ZNF529: variants seen among roughly 807,000 people sequenced by gnomAD.
The protein encoded by ZNF529 is zinc finger protein 529.
In ZNF529, 11 loss-of-function variants were observed where a neutral mutation model predicts 10.1. That is an observed-to-expected ratio of 1.09 (90% CI 0.69 to 1.81). The LOEUF (loss-of-function observed/expected upper bound fraction) is 1.81, where lower values mean the gene tolerates loss of function less well. Among genes scored for constraint, ZNF529 ranks in the 40% most tolerant of loss-of-function variants. The pLI is 0.00. For missense variants in ZNF529, 624 were observed against 666.8 expected (o/e 0.94, Z 0.71); for synonymous variants, 204 against 215.7 (o/e 0.95, Z 0.47).
In ZNF529 at chr19:36,563,422, CAAAA is replaced by C. The variant is rs34934234; in HGVS notation, c.15-7229_15-7226del. ...TGGGCAACAGAATGAGATTGTGTCT[CAAAA>C]AAAAAAAAAAGTTGTCTATGGGTGA... On this transcript the variant is annotated intron_variant, in intron 2 of 4. Transcript: ENST00000591340. Among the ~76,000 whole-genome samples the C allele has an allele frequency of 1.0e-4, 13 of 129,828 alleles. No homozygotes were observed. In the East Asian group the frequency reaches 2.9e-3, roughly 29 times the overall value. 85.2% of individuals were successfully genotyped at this position (129,828 alleles called of 152,430 possible). A position where few individuals can be genotyped will look rare whatever the true frequency, so the allele number is the denominator to read the frequency against.
chr19:36,599,195 C>T (rs2036886400), intron 1 of ZNF529, among the ~76,000 whole-genome samples: 1 of 152,190 alleles, frequency 6.6e-6, no homozygotes, highest in Non-Finnish European at 1.5e-5. Flanking sequence ...AACAAAGTCT[C>T]CTAAGACTTC....
In ZNF529 at chr19:36,545,955, A is replaced by G. The variant is rs1311986231; in HGVS notation, c.*911T>C. On this transcript the variant is annotated 3_prime_UTR_variant, in exon 5 of 5. Coordinates refer to ENST00000591340, the MANE Select transcript of ZNF529 (RefSeq NM_020951.5). The stretch of plus-strand genomic sequence containing the variant: ...TAGCCTGCAGGTAAAAAGACTGCTT[A>G]AAGGAACTGGTTATATTCCAATATA... 1 of 151,698 alleles carries G rather than the reference A, an allele frequency of 6.6e-6. No individual in the cohort carries two copies. The highest frequency in any genetic ancestry group is 2.4e-5 in the African/African-American group (1 of 41,306). 9.4% of individuals were successfully genotyped at this position (151,698 alleles called of 1,614,324 possible).
intron 1 of ZNF529, among the ~76,000 whole-genome samples, chr19:36,601,910 A>G (rs2036928924): frequency 2.0e-5 from 3 of 152,110 alleles, no homozygotes; most frequent in Admixed American, 2.0e-4. Flanking sequence ...GAGTTTATAT[A>G]AAAGAGAGAT....
chr19:36,550,196 T>A (rs2035206686), intron 4 of ZNF529, among the ~76,000 whole-genome samples: 1 of 152,184 alleles, frequency 6.6e-6, no homozygotes, highest in African/African-American at 2.4e-5. Flanking sequence ...TAAAACCAGA[T>A]TTGAGTGCCA....
intron 4 of ZNF529, among the ~76,000 whole-genome samples, chr19:36,550,577 G>A (rs1358709539): frequency 1.3e-5 from 2 of 152,006 alleles, no homozygotes; most frequent in African/African-American, 2.4e-5. Context: ...TTAAATAACT[G>A]TTGAGTCAAT....
At chr19:36,598,224 T>A (rs2145291595) in intron 1 of ZNF529, among the ~76,000 whole-genome samples, 1 of 152,268 alleles carries the variant, frequency 6.6e-6, no homozygotes, top group Non-Finnish European at 1.5e-5. Context: ...TAAGACTACT[T>A]CTTGGCTGGG....
At chr19:36,582,490 G>A (rs2036487141) in intron 2 of ZNF529, 1 of 152,062 alleles carries the variant, frequency 6.6e-6, no homozygotes. Context: ...CAGATCACGA[G>A]GTCAGGAGAT....
upstream of ZNF529, chr19:36,577,011 G>T: frequency 3.9e-6 from 1 of 255,530 alleles, no homozygotes. Context: ...GGGGGGCAGT[G>T]GCACAATCTT....
At chr19:36,589,194 G>A (rs899468958) in intron 2 of ZNF529, among the ~76,000 whole-genome samples, 4 of 152,062 alleles carry the variant, frequency 2.6e-5, no homozygotes, top group African/African-American at 9.7e-5. Context: ...TGATCCTCCA[G>A]CCATGAGCCA....
rs1428800258 is a variant in ZNF529, at chr19:36,544,654, G to A, written c.*2212C>T. ...TACTCTATTTCAAAGATATGAAATAGCAAATATCCTGACAAAAAGGTTAAC... is the reference window on the plus strand; with the variant it reads ...TACTCTATTTCAAAGATATGAAATAACAAATATCCTGACAAAAAGGTTAAC... On this transcript the variant is annotated 3_prime_UTR_variant, in exon 5 of 5. Coordinates refer to ENST00000591340, the MANE Select transcript of ZNF529 (RefSeq NM_020951.5). 1 of 152,158 alleles carries A rather than the reference G, an allele frequency of 6.6e-6. No individual in the cohort carries two copies. The highest frequency in any genetic ancestry group is 1.5e-5 in the Non-Finnish European group (1 of 68,008). 9.4% of individuals were successfully genotyped at this position (152,158 alleles called of 1,614,324 possible).
intron 1 of ZNF529, among the ~76,000 whole-genome samples, chr19:36,599,607 TTCTA>T (rs960682318): frequency 5.3e-5 from 8 of 152,196 alleles, no homozygotes; most frequent in African/African-American, 1.9e-4. Flanking sequence ...AGTGAACATT[TTCTA>T]GATAATAAAA....
At chr19:36,557,161 G>C (rs2035508376) in intron 2 of ZNF529, among the ~76,000 whole-genome samples, 3 of 152,120 alleles carry the variant, frequency 2.0e-5, no homozygotes, top group Admixed American at 2.0e-4. Context: ...TTAACAGCTG[G>C]GGGTGGTCAG....
At chr19:36,587,955 C>T (rs1600353040) in intron 2 of ZNF529, among the ~76,000 whole-genome samples, 1 of 152,268 alleles carries the variant, frequency 6.6e-6, no homozygotes, top group East Asian at 1.9e-4. Context: ...TGAGACCAGA[C>T]TCGCCAACAT....
At position 36,567,631 on chromosome 19, in the gene ZNF529, C is replaced by T. The variant is rs778961983; in HGVS notation, c.14+4702G>A. On this transcript the variant is annotated intron_variant, in intron 2 of 4. Transcript: ENST00000591340. The stretch of plus-strand genomic sequence containing the variant: ...TAATTTTTGTATTTTTAGTAGGAGA[C>T]GGGGTTTCACCATGCTGGCCAGGCT... 3.3e-5 allele frequency among the ~76,000 whole-genome samples: 5 copies of T among 151,820 alleles called. No individual in the cohort carries two copies. The East Asian group carries it at 5.8e-4, about 18-fold the overall frequency.
chr19:36,550,582 G>A (rs1242141405), intron 4 of ZNF529, among the ~76,000 whole-genome samples: 1 of 152,102 alleles, frequency 6.6e-6, no homozygotes, highest in Non-Finnish European at 1.5e-5. Flanking sequence ...TAACTGTTGA[G>A]TCAATGTGGA....
intron 2 of ZNF529, among the ~76,000 whole-genome samples, chr19:36,586,271 T>C (rs577803945): frequency 1.3e-5 from 2 of 152,312 alleles, no homozygotes; most frequent in South Asian, 4.1e-4. Context: ...CTTCTCCCTA[T>C]GGAGCTACAG....
chr19:36,600,675 G>C (rs540557232), intron 1 of ZNF529, among the ~76,000 whole-genome samples: 3 of 152,230 alleles, frequency 2.0e-5, no homozygotes, highest in South Asian at 4.1e-4. Flanking sequence ...CATAAAATTA[G>C]AGACTTTTGC....
chr19:36,553,242 TCTC>T (rs2035332717), intron 4 of ZNF529, among the ~76,000 whole-genome samples: 1 of 152,068 alleles, frequency 6.6e-6, no homozygotes, highest in South Asian at 2.1e-4. Flanking sequence ...TTCCAGCAAT[TCTC>T]CTGCCTCAGC....
At chr19:36,562,464 T>C (rs1219012948) in intron 2 of ZNF529, among the ~76,000 whole-genome samples, 1 of 151,564 alleles carries the variant, frequency 6.6e-6, no homozygotes, top group Non-Finnish European at 1.5e-5. Context: ...GAGAAAGACA[T>C]GAATATAGGG....
Sources: allele counts gnomAD v4.1 joint callset (sites outside exome capture counted in the v4.1 genomes callset), GRCh38; gene constraint gnomAD v4.1.1; transcripts MANE v1.5; gene names NCBI Gene and HGNC (gene_info 2026-07-23, HGNC 2026-07-21).